CDH4: variants seen among roughly 807,000 people sequenced by gnomAD.
CDH4 encodes the protein cadherin-4.
A neutral mutation model predicts 86.0 loss-of-function variants in CDH4; 33 were observed. The ratio of observed to expected loss-of-function variants is 0.38; its 90% CI spans 0.29 to 0.51. The LOEUF is 0.51. Ranked by LOEUF, CDH4 falls within the 20% of genes least tolerant of loss-of-function variation. The pLI is 0.86. For missense variants in CDH4, 1,114 were observed against 1,307.4 expected, an observed-to-expected ratio of 0.85 and a Z score of 2.28; for synonymous variants, 555 against 549.4, an observed-to-expected ratio of 1.01 and a Z score of -0.14.
intron 2 of CDH4, among the ~76,000 whole-genome samples, chr20:61,619,295 G>A (rs910939796): frequency 2.6e-5 from 4 of 152,200 alleles, no homozygotes; most frequent in South Asian, 2.1e-4. Flanking sequence ...CCACCTCCGC[G>A]TGCCCCCCAC....
chr20:61,270,764 T>C (rs1195030826), intron 2 of CDH4, among the ~76,000 whole-genome samples: 4 of 152,100 alleles, frequency 2.6e-5, no homozygotes, highest in African/African-American at 7.2e-5. Context: ...TAAATGGTAG[T>C]GGGGTGGGGG....
intron 2 of CDH4, among the ~76,000 whole-genome samples, chr20:61,286,583 C>T (rs886394403): frequency 2.6e-5 from 4 of 152,220 alleles, no homozygotes; most frequent in East Asian, 1.9e-4. Flanking sequence ...ACCTCCTGCT[C>T]GGCAGCTTTG....
At chr20:61,296,896 G>A (rs559216376) in intron 2 of CDH4, among the ~76,000 whole-genome samples, 2 of 152,264 alleles carry the variant, frequency 1.3e-5, no homozygotes, top group African/African-American at 2.4e-5. Context: ...GGTGGGGGAC[G>A]ATGGATGCCT....
intron 3 of CDH4, among the ~76,000 whole-genome samples, chr20:61,770,321 G>A (rs558689794): frequency 6.6e-6 from 1 of 152,368 alleles, no homozygotes; most frequent in East Asian, 1.9e-4. Context: ...GGGGCAGCCT[G>A]TGGTCAGATG....
At chr20:61,479,966 C>G (rs2085559979) in intron 2 of CDH4, among the ~76,000 whole-genome samples, 1 of 152,166 alleles carries the variant, frequency 6.6e-6, no homozygotes, top group South Asian at 2.1e-4. Context: ...AGTGTCCCAT[C>G]TGCTATGAAT....
chr20:61,346,377 T>A (rs1472012868), intron 2 of CDH4, among the ~76,000 whole-genome samples: 1 of 152,180 alleles, frequency 6.6e-6, no homozygotes, highest in Non-Finnish European at 1.5e-5. Flanking sequence ...GAGCTTGGGC[T>A]GCATTCCCAC....
At chr20:61,285,977 C>A (rs1378295959) in intron 2 of CDH4, among the ~76,000 whole-genome samples, 2 of 152,170 alleles carry the variant, frequency 1.3e-5, no homozygotes, top group African/African-American at 4.8e-5. Flanking sequence ...TCTGTGAGTG[C>A]CCTGGTGCTG....
chr20:61,337,306 G>GATGGTGGTATGATGATGTGGATGGTA (rs2084623646), intron 2 of CDH4, among the ~76,000 whole-genome samples: 1 of 133,928 alleles, frequency 7.5e-6, no homozygotes, highest in African/African-American at 2.8e-5. Context: ...TGATGATAAT[G>GATGGTGGTATGATGATGTGGATGGTA]ATGGTGATAA....
intron 2 of CDH4, among the ~76,000 whole-genome samples, chr20:61,602,949 C>T (rs1022082374): frequency 1.3e-5 from 2 of 152,194 alleles, no homozygotes; most frequent in Non-Finnish European, 2.9e-5. Flanking sequence ...AGGCCCCCTC[C>T]CTGGACTCAT....
intron 2 of CDH4, among the ~76,000 whole-genome samples, chr20:61,520,482 G>A (rs73150281): frequency 0.015 from 2,359 of 152,288 alleles, 32 homozygotes; most frequent in Non-Finnish European, 0.024. Context: ...TGGAGGGGTG[G>A]TGTGTGTGTC....
In CDH4 at chr20:61,910,451, G is replaced by A. The variant is rs777312618; in HGVS notation, c.1218G>A (p.Val406=). The change falls in exon 9 of 16, where the codon GTG becomes GTA. Residue 406 remains valine, a synonymous_variant. Transcript: ENST00000614565. ...CAGGGGAGGTCCCCGAAAACCGCGT[G>A]GAGACCGTGGTCGCAAACCTCACGG... ...TFAGEVPENR[V]ETVVANLTVM... is the part of the protein sequence containing the mutation. 2 of 1,613,854 alleles carry A rather than the reference G, an allele frequency of 1.2e-6. No individual in the cohort carries two copies. Among genetic ancestry groups the A allele is most frequent in the Admixed American group, 3.3e-5 (2 of 60,032 alleles).
chr20:61,754,365 C>A lies in CDH4; in HGVS notation c.396+10576C>A, dbSNP rs1227315598. 6.6e-6 allele frequency among the ~76,000 whole-genome samples: 1 copy of A among 152,110 alleles called. No homozygotes were observed. Among genetic ancestry groups the A allele is most frequent in the East Asian group, 1.9e-4 (1 of 5,180 alleles). ...GTCCCGCCCAGGGCTCCAAATACCC[C>A]TGAATCCTCTTGATGCAGCCACTCT... is the stretch of plus-strand genomic sequence containing the variant. On this transcript the variant is annotated intron_variant, in intron 3 of 15. Coordinates refer to ENST00000614565, the MANE Select transcript of CDH4 (RefSeq NM_001794.5). This position sits in a 1 kb window ranked among gnomAD's most constrained non-coding sequence, Gnocchi z 4.7.
intron 2 of CDH4, among the ~76,000 whole-genome samples, chr20:61,717,026 C>T (rs1309942003): frequency 3.3e-5 from 5 of 152,246 alleles, no homozygotes; most frequent in African/African-American, 4.8e-5. Context: ...TCTGCACCCT[C>T]GTCATGGCCC....
In CDH4 at chr20:61,267,932, C is replaced by G. The variant is rs187430741; in HGVS notation, c.169+12995C>G. Among the ~76,000 whole-genome samples, 7 of 152,338 alleles carry G rather than the reference C, an allele frequency of 4.6e-5. No individual in the cohort carries two copies. In the East Asian group the frequency reaches 1.4e-3, roughly 29 times the overall value. On this transcript the variant is annotated intron_variant, in intron 2 of 15. Coordinates refer to ENST00000614565, the MANE Select transcript of CDH4 (RefSeq NM_001794.5). ...TGTGTCTGCAGCCTGGCTGAGGGTT[C>G]GCACACAGCTCAGGAAAGCGGCTGC...
intron 2 of CDH4, among the ~76,000 whole-genome samples, chr20:61,701,639 T>C (rs537868352): frequency 1.8e-4 from 28 of 152,200 alleles, no homozygotes; most frequent in African/African-American, 6.5e-4. Flanking sequence ...TGGGGGTGGA[T>C]TGCAAACCAA....
chr20:61,328,957 A>G (rs1178181393), intron 2 of CDH4, among the ~76,000 whole-genome samples: 7 of 152,166 alleles, frequency 4.6e-5, no homozygotes, highest in Non-Finnish European at 7.4e-5. Context: ...AAATGCACTT[A>G]ATACACCTCA....
Position 61,601,534 on chromosome 20 carries a change from G to A in CDH4, c.170-142029G>A, listed in dbSNP as rs574519360. 2.4e-3 allele frequency among the ~76,000 whole-genome samples: 359 copies of A among 152,240 alleles called. 1 individual carries two copies. Among genetic ancestry groups the A allele is most frequent in the Non-Finnish European group, 3.8e-3 (259 of 68,020 alleles). On this transcript the variant is annotated intron_variant, in intron 2 of 15. Transcript: ENST00000614565. ...CCTCGTCAGCCCCGGCCTAACCCTC[G>A]GCCCTGCTCTTCCCGGGGCCTGTTC...
intron 6 of CDH4, among the ~76,000 whole-genome samples, chr20:61,865,287 G>A (rs909706054): frequency 6.6e-6 from 1 of 152,154 alleles, no homozygotes; most frequent in Non-Finnish European, 1.5e-5. Flanking sequence ...GTAGATGATG[G>A]ACTGACTTCT....
chr20:61,829,139 G>A lies in CDH4; in HGVS notation c.577-15529G>A, dbSNP rs1381154362. On this transcript the variant is annotated intron_variant, in intron 4 of 15. Transcript: ENST00000614565. This position sits in a 1 kb window ranked among gnomAD's most constrained non-coding sequence, Gnocchi z 4.2. ...GGCCACAGACCGGTACCGGGTTGGG[G>A]ACCCTGCTTTAAGCAGTCGCTTCTC... 1.3e-5 allele frequency among the ~76,000 whole-genome samples: 2 copies of A among 152,220 alleles called. No homozygotes were observed. Among genetic ancestry groups the A allele is most frequent in the East Asian group, 1.9e-4 (1 of 5,200 alleles).
Sources: gnomAD v4.1 joint callset for allele counts (sites outside exome capture counted in the v4.1 genomes callset) on GRCh38, gnomAD v4.1.1 for gene constraint, Gnocchi (gnomAD v3.1) non-coding constraint, MANE v1.5 for transcripts, NCBI Gene and HGNC (gene_info 2026-07-23, HGNC 2026-07-21) for gene names.